Variants in LHFPL3 observed in about 807,000 individuals in gnomAD.
LHFPL3 encodes LHFPL tetraspan subfamily member 3.
In LHFPL3, 5 loss-of-function variants were observed where a neutral mutation model predicts 19.3. The observed-to-expected ratio is 0.26, with a 90% confidence interval of 0.14 to 0.54. The LOEUF (loss-of-function observed/expected upper bound fraction) is 0.54, where lower values mean the gene tolerates loss of function less well. Ranked by LOEUF, LHFPL3 falls within the 20% of genes least tolerant of loss-of-function variation. LHFPL3 has a pLI of 0.94. For missense variants in LHFPL3, 249 were observed against 307.4 expected (o/e 0.81, Z 1.42); for synonymous variants, 133 against 126.2 (o/e 1.05, Z -0.36).
intron 1 of LHFPL3, among the ~76,000 whole-genome samples, chr7:104,363,560 T>C (rs1288249221): frequency 6.6e-6 from 1 of 152,230 alleles, no homozygotes; most frequent in Non-Finnish European, 1.5e-5. Context: ...AGCCACTGTC[T>C]GGCAGTGCTG....
At chr7:104,537,462 T>C (rs1794411356) in intron 1 of LHFPL3, among the ~76,000 whole-genome samples, 1 of 152,166 alleles carries the variant, frequency 6.6e-6, no homozygotes, top group Non-Finnish European at 1.5e-5. Flanking sequence ...TTTTTACCCC[T>C]TCTACTCAAT....
chr7:104,520,218 T>C (rs1010076432), intron 1 of LHFPL3, among the ~76,000 whole-genome samples: 1 of 152,168 alleles, frequency 6.6e-6, no homozygotes, highest in African/African-American at 2.4e-5. Flanking sequence ...GTGGTTTTTG[T>C]CTTTGCTTCT....
chr7:104,401,882 A>G (rs1791318195), intron 1 of LHFPL3, among the ~76,000 whole-genome samples: 1 of 152,226 alleles, frequency 6.6e-6, no homozygotes, highest in Non-Finnish European at 1.5e-5. Context: ...AGTGAAGAGA[A>G]AACAGACAAT....
At chr7:104,337,302 AG>A (rs1167138588) in intron 1 of LHFPL3, among the ~76,000 whole-genome samples, 1 of 152,224 alleles carries the variant, frequency 6.6e-6, no homozygotes, top group Non-Finnish European at 1.5e-5. Context: ...GATGAAATTC[AG>A]GGTTGGAAAG....
At chr7:104,778,311 C>T (rs866114628) in intron 2 of LHFPL3, among the ~76,000 whole-genome samples, 4 of 152,156 alleles carry the variant, frequency 2.6e-5, no homozygotes, top group South Asian at 2.1e-4. Context: ...TGTGCAGAGG[C>T]GGTGACCCTA....
At chr7:104,516,454 A>C (rs1022527403) in intron 1 of LHFPL3, among the ~76,000 whole-genome samples, 1 of 152,172 alleles carries the variant, frequency 6.6e-6, no homozygotes, top group Non-Finnish European at 1.5e-5. Flanking sequence ...CAAATCATTA[A>C]AATTAATTTT....
chr7:104,669,094 A>G, intron 1 of LHFPL3: 1 of 1,612,654 alleles, frequency 6.2e-7, no homozygotes, highest in Non-Finnish European at 8.5e-7. Context: ...TGAAACACTC[A>G]ATAAGGAGGA....
intron 1 of LHFPL3, among the ~76,000 whole-genome samples, chr7:104,730,640 T>C (rs2116278966): frequency 6.6e-6 from 1 of 152,344 alleles, no homozygotes; most frequent in Non-Finnish European, 1.5e-5. Context: ...AGATTCTGGA[T>C]ATTAGCCCTT....
intron 1 of LHFPL3, among the ~76,000 whole-genome samples, chr7:104,603,150 CCTTCCTTCCTTCCTTT>C (rs1414488102): frequency 2.0e-4 from 12 of 60,148 alleles, no homozygotes; most frequent in African/African-American, 3.0e-4. Context: ...TTCCTTCCTT[CCTTCCTTCCTTCCTTT>C]CTTTCTTTCT....
At chr7:104,467,788 A>T (rs1168439011) in intron 1 of LHFPL3, among the ~76,000 whole-genome samples, 2 of 152,184 alleles carry the variant, frequency 1.3e-5, no homozygotes, top group African/African-American at 4.8e-5. Flanking sequence ...CAAATTATCA[A>T]CTTGGATACC....
chr7:104,651,674 T>C (rs902412620), intron 1 of LHFPL3, among the ~76,000 whole-genome samples: 1 of 152,252 alleles, frequency 6.6e-6, no homozygotes, highest in Non-Finnish European at 1.5e-5. Flanking sequence ...CACTTCTGTC[T>C]CCAAGCCTGC....
At chr7:104,510,702 T>G (rs906380839) in intron 1 of LHFPL3, among the ~76,000 whole-genome samples, 3 of 152,104 alleles carry the variant, frequency 2.0e-5, no homozygotes, top group African/African-American at 7.2e-5. Flanking sequence ...TCATCAAAAT[T>G]TAAAACTCTT....
At chr7:104,752,996 T>C (rs1453207196) in intron 2 of LHFPL3, among the ~76,000 whole-genome samples, 5 of 152,256 alleles carry the variant, frequency 3.3e-5, no homozygotes, top group Non-Finnish European at 7.3e-5. Context: ...GGGGTCACTC[T>C]TTGTGTTGTA....
intron 1 of LHFPL3, among the ~76,000 whole-genome samples, chr7:104,430,438 A>ACATG (rs1562895315): frequency 8.6e-4 from 13 of 15,056 alleles, no homozygotes; most frequent in African/African-American, 2.6e-3. Flanking sequence ...ATATATATAT[A>ACATG]TATATATATA....
At chr7:104,354,443 C>T (rs1326741949) in intron 1 of LHFPL3, among the ~76,000 whole-genome samples, 4 of 152,182 alleles carry the variant, frequency 2.6e-5, no homozygotes, top group African/African-American at 9.7e-5. Context: ...CCACTTTGGG[C>T]CAGTTTGTTG....
At chr7:104,606,813 C>T (rs1256038094) in intron 1 of LHFPL3, among the ~76,000 whole-genome samples, 1 of 152,034 alleles carries the variant, frequency 6.6e-6, no homozygotes, top group African/African-American at 2.4e-5. Context: ...GGTATAGGTG[C>T]CACTGATTGG....
At chr7:104,784,875 T>C (rs1052851570) in intron 2 of LHFPL3, among the ~76,000 whole-genome samples, 1 of 152,124 alleles carries the variant, frequency 6.6e-6, no homozygotes, top group Non-Finnish European at 1.5e-5. Context: ...GTCAAACTCA[T>C]GGAAGTAGAA....
chr7:104,505,447 G>A (rs564323537), intron 1 of LHFPL3, among the ~76,000 whole-genome samples: 1 of 152,174 alleles, frequency 6.6e-6, no homozygotes, highest in Non-Finnish European at 1.5e-5. Flanking sequence ...TGAGAATGAA[G>A]AGGATAAAAA....
rs1318226655 is a variant in LHFPL3, at chr7:104,561,810, T to G, written c.446-174865T>G. Among the ~76,000 whole-genome samples the G allele has an allele frequency of 5.9e-5, 9 of 152,284 alleles. No individual in the cohort carries two copies. In the East Asian group the frequency reaches 1.7e-3, roughly 29 times the overall value. ...CTTTACATTTTGGCATGATTTTGCA[T>G]TGGCTGGTACTGGTTGTTCCTTTCC... On this transcript the variant is annotated intron_variant, in intron 1 of 2. Coordinates refer to ENST00000424859, the MANE Select transcript of LHFPL3 (RefSeq NM_199000.3).
Sources: gnomAD v4.1 joint callset for allele counts (sites outside exome capture counted in the v4.1 genomes callset) on GRCh38, gnomAD v4.1.1 for gene constraint, MANE v1.5 for transcripts, NCBI Gene and HGNC (gene_info 2026-07-23, HGNC 2026-07-21) for gene names.